The following PCDHA8 variants were observed in gnomAD, a reference collection of about 807,000 sequenced individuals.
PCDHA8 encodes the protein protocadherin alpha 8.
PCDHA8 carries 53 observed loss-of-function variants against 61.8 expected under a neutral mutation model. The observed-to-expected ratio is 0.86, with a 90% CI of 0.69 to 1.08. The LOEUF (loss-of-function observed/expected upper bound fraction) is 1.08, where lower values mean the gene tolerates loss of function less well. PCDHA8 is among the 50% of genes least tolerant of loss of function. The pLI is 0.00. For synonymous variants in PCDHA8, 618 were observed against 556.6 expected, an observed-to-expected ratio of 1.11 and a Z score of -1.55; for missense variants, 1,293 against 1,245.0, an observed-to-expected ratio of 1.04 and a Z score of -0.58.
chr5:140,996,918 A>T lies in PCDHA8; in HGVS notation c.2543-12709A>T, dbSNP rs10036183. On this transcript the variant is annotated intron_variant, in intron 3 of 3. Transcript: ENST00000531613. ...GAATTACATTGTTGAAGTAAATATT[A>T]AAAAATATAGCATTTTTGCATAGAA... Among the ~76,000 whole-genome samples, 492 of 152,328 alleles carry T rather than the reference A, an allele frequency of 3.2e-3. 4 individuals are homozygous for T. Among genetic ancestry groups the T allele is most frequent in the African/African-American group, 0.011 (464 of 41,562 alleles).
chr5:140,961,632 A>T (rs373824042), intron 1 of PCDHA8, among the ~76,000 whole-genome samples: 2 of 152,214 alleles, frequency 1.3e-5, no homozygotes, highest in African/African-American at 4.8e-5. Context: ...ATGAAAAACA[A>T]TCTTAAGTCT....
chr5:140,907,364 C>T (rs1042794275), intron 1 of PCDHA8, among the ~76,000 whole-genome samples: 5 of 152,122 alleles, frequency 3.3e-5, no homozygotes, highest in East Asian at 1.9e-4. Context: ...CTTCTTTAGT[C>T]GTAAAGTGAG....
chr5:140,866,359 A>ATT (rs1376841789), intron 1 of PCDHA8: 14 of 152,148 alleles, frequency 9.2e-5, no homozygotes, highest in African/African-American at 2.9e-4. Context: ...TGTTTACAAT[A>ATT]TTGCATACTT....
intron 1 of PCDHA8, among the ~76,000 whole-genome samples, chr5:140,918,027 G>A (rs782291548): frequency 8.5e-5 from 13 of 152,226 alleles, no homozygotes; most frequent in African/African-American, 1.9e-4. Context: ...ACCCATGAGC[G>A]TGGAAGGTCT....
At chr5:140,883,459 G>A in intron 1 of PCDHA8, 1 of 1,614,132 alleles carries the variant, frequency 6.2e-7, no homozygotes, top group Non-Finnish European at 8.5e-7. Context: ...CCTTCAAGCT[G>A]GTGTCCACCT....
intron 1 of PCDHA8, chr5:140,850,488 G>T: frequency 6.3e-7 from 1 of 1,598,176 alleles, no homozygotes. Context: ...CACGGCCACT[G>T]TGCTGGTGTC....
At chr5:140,883,667 A>G in intron 1 of PCDHA8, 1 of 1,613,568 alleles carries the variant, frequency 6.2e-7, no homozygotes. Context: ...CGTGAAGGAA[A>G]ACAATCCGCC....
chr5:140,859,358 A>G (rs1470133461), intron 1 of PCDHA8: 1 of 254,184 alleles, frequency 3.9e-6, no homozygotes, highest in Non-Finnish European at 7.4e-6. Context: ...CTGATCTGAT[A>G]TATTGTATAG....
At chr5:140,866,469 C>CG (rs2049380122) in intron 1 of PCDHA8, 2 of 152,080 alleles carry the variant, frequency 1.3e-5, no homozygotes, top group Non-Finnish European at 2.9e-5. Context: ...AAGCTCATAA[C>CG]AACTGACAAA....
intron 1 of PCDHA8, chr5:140,876,038 G>C: frequency 6.2e-7 from 1 of 1,613,822 alleles, no homozygotes; most frequent in East Asian, 2.2e-5. Flanking sequence ...AAAGATAAAA[G>C]TATATTGCCT....
intron 1 of PCDHA8, among the ~76,000 whole-genome samples, chr5:140,846,443 C>T (rs1355812875): frequency 2.2e-5 from 3 of 134,856 alleles, no homozygotes; most frequent in Non-Finnish European, 4.7e-5. Context: ...GGCGCAATCT[C>T]GGCTCACTGC....
chr5:140,995,788 T>C (rs1327222255), intron 3 of PCDHA8, among the ~76,000 whole-genome samples: 1 of 152,154 alleles, frequency 6.6e-6, no homozygotes, highest in Non-Finnish European at 1.5e-5. Context: ...GGTTTAAAAT[T>C]TGTCTCATGT....
intron 3 of PCDHA8, among the ~76,000 whole-genome samples, chr5:140,984,074 A>T (rs1554245949): frequency 6.6e-6 from 1 of 152,268 alleles, no homozygotes; most frequent in African/African-American, 2.4e-5. Context: ...AGTGCCAACG[A>T]TGGAGTGAAG....
chr5:140,941,198 T>TC (rs1563184066), intron 1 of PCDHA8, among the ~76,000 whole-genome samples: 3 of 119,812 alleles, frequency 2.5e-5, no homozygotes, highest in African/African-American at 1.0e-4. Flanking sequence ...TTTTTTTCTT[T>TC]CTTCCTTTCT....
At position 140,944,954 on chromosome 5, in the gene PCDHA8, G is replaced by T. The variant is rs59917150; in HGVS notation, c.2395-33995G>T. Among the ~76,000 whole-genome samples the T allele has an allele frequency of 8.9e-3, 1,356 of 152,182 alleles. 15 individuals are homozygous for T. Among genetic ancestry groups the T allele is most frequent in the African/African-American group, 0.032 (1,311 of 41,514 alleles). ...CTTCTTTAGATGATTGTGAATAAGA[G>T]TATTATCTTAACCTCTCTGGTGGGT... On this transcript the variant is annotated intron_variant, in intron 1 of 3. Coordinates refer to ENST00000531613, the MANE Select transcript of PCDHA8 (RefSeq NM_018911.3).
At chr5:140,968,965 C>T in intron 1 of PCDHA8, 1 of 1,614,208 alleles carries the variant, frequency 6.2e-7, no homozygotes, top group Non-Finnish European at 8.5e-7. Context: ...AGTGCTACCG[C>T]TACACTGCGT....
chr5:140,908,861 T>C (rs1554193539), intron 1 of PCDHA8, among the ~76,000 whole-genome samples: 1 of 152,160 alleles, frequency 6.6e-6, no homozygotes, highest in Admixed American at 6.5e-5. Flanking sequence ...AAATGAGGAA[T>C]GTGTTGCCTC....
At chr5:140,960,762 A>G (rs1164322988) in intron 1 of PCDHA8, among the ~76,000 whole-genome samples, 5 of 152,214 alleles carry the variant, frequency 3.3e-5, no homozygotes, top group Non-Finnish European at 7.3e-5. Flanking sequence ...CCCAAGAGTT[A>G]CAGAGGAGAA....
chr5:140,949,537 C>A (rs1359504503), intron 1 of PCDHA8, among the ~76,000 whole-genome samples: 1 of 151,692 alleles, frequency 6.6e-6, no homozygotes, highest in African/African-American at 2.4e-5. Flanking sequence ...CATAAAATAT[C>A]GATTTGTTGC....
Sources: allele counts gnomAD v4.1 joint callset (sites outside exome capture counted in the v4.1 genomes callset), GRCh38; gene constraint gnomAD v4.1.1; transcripts MANE v1.5; gene names NCBI Gene and HGNC (gene_info 2026-07-23, HGNC 2026-07-21).